The following COL10A1 variants were observed in gnomAD, a reference collection of about 807,000 sequenced individuals.
The protein encoded by COL10A1 is collagen type X alpha 1 chain.
A neutral mutation model predicts 18.2 loss-of-function variants in COL10A1; 10 were observed. That is an observed-to-expected ratio of 0.55 (90% CI 0.34 to 0.93). COL10A1 has a LOEUF of 0.93. Among genes scored for constraint, COL10A1 ranks in the 40% least tolerant of loss-of-function variants. The pLI is 0.02. For synonymous variants in COL10A1, 330 were observed against 316.6 expected, an observed-to-expected ratio of 1.04 and a Z score of -0.45; for missense variants, 897 against 853.5, an observed-to-expected ratio of 1.05 and a Z score of -0.64.
chr6:116,157,917 G>C (rs1780237490), intron 1 of COL10A1, among the ~76,000 whole-genome samples: 1 of 152,138 alleles, frequency 6.6e-6, no homozygotes, highest in Non-Finnish European at 1.5e-5. Flanking sequence ...GAAATAAAAT[G>C]TCTCAAACGT....
intron 1 of COL10A1, among the ~76,000 whole-genome samples, chr6:116,155,429 G>A (rs557671372): frequency 9.9e-5 from 15 of 152,082 alleles, no homozygotes; most frequent in African/African-American, 3.6e-4. Flanking sequence ...CACTTTCTGG[G>A]TGCTCTAGAG....
the COL10A1 span, among the ~76,000 whole-genome samples, chr6:116,192,591 TC>T: frequency 6.6e-6 from 1 of 152,054 alleles, no homozygotes; most frequent in Non-Finnish European, 1.5e-5. Context: ...AAGTCAAAAA[TC>T]AAATCTTAAA....
chr6:116,163,741 T>A (rs555905947), upstream of COL10A1, among the ~76,000 whole-genome samples: 9 of 152,340 alleles, frequency 5.9e-5, no homozygotes, highest in South Asian at 1.9e-3. Flanking sequence ...TTTTGATTTA[T>A]GAATTTAGTA....
chr6:116,182,222 A>AGAGAGAGAGTGTGTGTGTGTGTGTGT, the COL10A1 span, among the ~76,000 whole-genome samples: 2 of 124,688 alleles, frequency 1.6e-5, no homozygotes, highest in South Asian at 5.7e-4. Context: ...TTCCATGGAG[A>AGAGAGAGAGTGTGTGTGTGTGTGTGT]GTGTGTGTGT....
chr6:116,137,102 C>G (rs1226194218), intron 1 of COL10A1: 1 of 216,640 alleles, frequency 4.6e-6, no homozygotes, highest in Non-Finnish European at 1.0e-5. Context: ...CCAGTGTTTG[C>G]TTGATGAAAT....
At chr6:116,182,243 G>GTGTGTGTGTT in the COL10A1 span, among the ~76,000 whole-genome samples, 1 of 151,870 alleles carries the variant, frequency 6.6e-6, no homozygotes, top group Admixed American at 6.6e-5. Flanking sequence ...GTGTGTGTGT[G>GTGTGTGTGTT]TGTGTGTGTG....
At chr6:116,130,445 A>G (rs183405737), upstream of COL10A1, among the ~76,000 whole-genome samples, 93 of 145,022 alleles carry the variant, frequency 6.4e-4, 2 homozygotes, top group East Asian at 8.5e-3. Context: ...CCATGATCCC[A>G]GTAGTTTTTT....
the COL10A1 span, among the ~76,000 whole-genome samples, chr6:116,185,279 A>G: frequency 7.2e-5 from 11 of 152,230 alleles, no homozygotes; most frequent in African/African-American, 2.4e-4. Flanking sequence ...TTTGTGGCCT[A>G]TCATATGGTC....
rs768717203 is a variant in COL10A1, at chr6:116,120,504, G to T, written c.1612C>A (p.Pro538Thr). ...AGQRPSLSGT[P>T]LVSANQGVTG... ...ACCCCCTGGTTGGCACTAACAAGAG[G>T]GGTCCCAGAAAGACTGGGCCTTTGG... is the stretch of plus-strand genomic sequence containing the variant. The change falls in exon 3 of 3, where the codon CCT becomes ACT. Residue 538 changes from proline (P) to threonine (T), a missense_variant. By Grantham distance (38) the Pro-to-Thr change is conservative (BLOSUM62 -1). Transcript: ENST00000651968. 6 of 1,614,214 alleles carry T rather than the reference G, an allele frequency of 3.7e-6. No homozygotes were observed. In the South Asian group the frequency reaches 5.5e-5, roughly 15 times the overall value.
chr6:116,202,459 G>A, the COL10A1 span, among the ~76,000 whole-genome samples: 1 of 151,924 alleles, frequency 6.6e-6, no homozygotes, highest in African/African-American at 2.4e-5. Flanking sequence ...GATCCCATAT[G>A]TTCTTGATTC....
At chr6:116,153,318 C>T (rs1780097620) in intron 1 of COL10A1, among the ~76,000 whole-genome samples, 1 of 139,122 alleles carries the variant, frequency 7.2e-6, no homozygotes, top group Non-Finnish European at 1.5e-5. Flanking sequence ...ACACAGACTG[C>T]CCATAAACAT....
At chr6:116,167,435 A>G in the COL10A1 span, among the ~76,000 whole-genome samples, 1 of 152,050 alleles carries the variant, frequency 6.6e-6, no homozygotes, top group Non-Finnish European at 1.5e-5. Context: ...GATGGTCTCA[A>G]TCTCCTGGCC....
Position 116,121,370 on chromosome 6 carries a change from G to C in COL10A1, c.746C>G (p.Pro249Arg), listed in dbSNP as rs188598435. 44 of 1,614,124 alleles carry C rather than the reference G, an allele frequency of 2.7e-5. No individual in the cohort carries two copies. In the East Asian group the frequency reaches 9.4e-4, roughly 34 times the overall value. The change falls in exon 3 of 3, where the codon CCA becomes CGA. Residue 249 changes from proline to arginine, a missense_variant. By Grantham distance (103) the Pro-to-Arg change is moderately radical (BLOSUM62 -2). Transcript: ENST00000651968. ...TTCCCCAGGAGGGCCTTGGGGACCT[G>C]GTGGGCCAATTGGTCCCATTTCTCC... ...FPGEMGPIGPPGPQGPPGERG... is the reference protein window; with the variant it reads ...FPGEMGPIGPRGPQGPPGERG...
intron 1 of COL10A1, among the ~76,000 whole-genome samples, chr6:116,132,022 T>A (rs1779479927): frequency 6.6e-6 from 1 of 152,236 alleles, no homozygotes; most frequent in Non-Finnish European, 1.5e-5. Context: ...TTTTTATGGC[T>A]GCATAGTATT....
chr6:116,215,202 T>C, the COL10A1 span, among the ~76,000 whole-genome samples: 1 of 152,102 alleles, frequency 6.6e-6, no homozygotes, highest in Non-Finnish European at 1.5e-5. Flanking sequence ...ATGCCTAGGG[T>C]TATAAAGGAG....
At chr6:116,129,654 G>A (rs79537183), upstream of COL10A1, among the ~76,000 whole-genome samples, 1,064 of 152,300 alleles carry the variant, frequency 7.0e-3, 11 homozygotes, top group Non-Finnish European at 0.012. Flanking sequence ...CTAGCCTTCA[G>A]AACTGTGTGC....
chr6:116,131,866 C>G (rs1779474994), intron 1 of COL10A1, among the ~76,000 whole-genome samples: 1 of 152,098 alleles, frequency 6.6e-6, no homozygotes, highest in Non-Finnish European at 1.5e-5. Context: ...TGTTGTTCCT[C>G]TCTATGTGTC....
chr6:116,178,114 T>C, the COL10A1 span, among the ~76,000 whole-genome samples: 2,864 of 141,872 alleles, frequency 0.02, 60 homozygotes, highest in African/African-American at 0.048. Flanking sequence ...TGCGTGCGTG[T>C]GTGTGTGTGT....
At chr6:116,201,593 T>A in the COL10A1 span, among the ~76,000 whole-genome samples, 1 of 152,014 alleles carries the variant, frequency 6.6e-6, no homozygotes, top group Non-Finnish European at 1.5e-5. Flanking sequence ...AAGTCTTGGT[T>A]AATATAAAGA....
Sources: gnomAD v4.1 joint callset for allele counts (sites outside exome capture counted in the v4.1 genomes callset) on GRCh38, gnomAD v4.1.1 for gene constraint, MANE v1.5 for transcripts, NCBI Gene and HGNC (gene_info 2026-07-23, HGNC 2026-07-21) for gene names.